Variants in CHLSN observed in about 807,000 individuals in gnomAD.
The protein encoded by CHLSN is protein cholesin.
chr7:1,106,214 C>T, the CHLSN span, among the ~76,000 whole-genome samples: 6 of 152,212 alleles, frequency 3.9e-5, no homozygotes, highest in Admixed American at 2.6e-4. Flanking sequence ...CTGCCAGCCA[C>T]GCGGACTCTC....
At chr7:986,040 C>A in the CHLSN span, among the ~76,000 whole-genome samples, 2 of 152,166 alleles carry the variant, frequency 1.3e-5, no homozygotes, top group South Asian at 2.1e-4. Context: ...GGAGGCTGCA[C>A]GGCACTGCGT....
chr7:1,084,280 G>A, the CHLSN span, among the ~76,000 whole-genome samples: 1 of 152,234 alleles, frequency 6.6e-6, no homozygotes, highest in South Asian at 2.1e-4. Flanking sequence ...GCGGAGGCGG[G>A]GGACGCCAGC....
chr7:979,383 A>T, the CHLSN span, among the ~76,000 whole-genome samples: 2 of 152,156 alleles, frequency 1.3e-5, no homozygotes, highest in African/African-American at 4.8e-5. Flanking sequence ...GATTACAGCC[A>T]CTGATCCTGT....
the CHLSN span, among the ~76,000 whole-genome samples, chr7:1,120,283 T>C: frequency 6.6e-6 from 1 of 152,142 alleles, no homozygotes. Context: ...AGGACCCTCA[T>C]GCTTCTTTTT....
At chr7:1,034,009 C>G in the CHLSN span, among the ~76,000 whole-genome samples, 1 of 152,220 alleles carries the variant, frequency 6.6e-6, no homozygotes, top group Non-Finnish European at 1.5e-5. Flanking sequence ...ATATAACTCT[C>G]TGTATTTGCA....
At chr7:988,352 C>A in the CHLSN span, 4 of 1,612,532 alleles carry the variant, frequency 2.5e-6, no homozygotes, top group Non-Finnish European at 3.4e-6. Flanking sequence ...CCAGTTCAAC[C>A]CCGGCCATTT....
At chr7:1,084,461 T>C in the CHLSN span, among the ~76,000 whole-genome samples, 1 of 152,212 alleles carries the variant, frequency 6.6e-6, no homozygotes, top group Non-Finnish European at 1.5e-5. Flanking sequence ...ATGTCTCCCC[T>C]GTAAGGTGGA....
At chr7:1,004,171 C>T in the CHLSN span, among the ~76,000 whole-genome samples, 7 of 152,200 alleles carry the variant, frequency 4.6e-5, no homozygotes, top group African/African-American at 1.2e-4. Flanking sequence ...AGCCCCTCGT[C>T]GTCTGCTCCC....
chr7:1,121,953 G>A, the CHLSN span, among the ~76,000 whole-genome samples: 4 of 152,168 alleles, frequency 2.6e-5, no homozygotes, highest in Admixed American at 2.6e-4. Context: ...ACACAGGGCA[G>A]CGTGCTGCAC....
chr7:1,072,057 A>G, the CHLSN span, among the ~76,000 whole-genome samples: 9 of 152,060 alleles, frequency 5.9e-5, no homozygotes, highest in Admixed American at 5.9e-4. Context: ...AGCGCTCAGG[A>G]TGGAAGAGCC....
the CHLSN span, among the ~76,000 whole-genome samples, chr7:985,476 A>G: frequency 6.6e-6 from 1 of 152,174 alleles, no homozygotes; most frequent in Non-Finnish European, 1.5e-5. Context: ...ATCAGGACCC[A>G]TCCGACGTTA....
At chr7:1,057,429 G>A in the CHLSN span, 6 of 640,480 alleles carry the variant, frequency 9.4e-6, no homozygotes, top group Non-Finnish European at 1.4e-5. Context: ...TGTACCTGCA[G>A]CACTTCTGGG....
the CHLSN span, among the ~76,000 whole-genome samples, chr7:1,078,618 A>G: frequency 6.6e-6 from 1 of 152,152 alleles, no homozygotes; most frequent in Non-Finnish European, 1.5e-5. Context: ...TCCCACCAAG[A>G]TGCTCACGAC....
the CHLSN span, chr7:1,000,611 T>C: frequency 9.3e-6 from 13 of 1,404,542 alleles, no homozygotes; most frequent in Non-Finnish European, 1.3e-5. Context: ...GGCAGCTGTC[T>C]GCCCTGAGAG....
At chr7:1,036,866 T>C in the CHLSN span, among the ~76,000 whole-genome samples, 32 of 147,864 alleles carry the variant, frequency 2.2e-4, 4 homozygotes, top group Non-Finnish European at 4.0e-4. Flanking sequence ...TCCCATCACT[T>C]TGGGAGGCTG....
chr7:1,019,984 C>T, the CHLSN span, among the ~76,000 whole-genome samples: 2 of 152,218 alleles, frequency 1.3e-5, no homozygotes, highest in African/African-American at 2.4e-5. Flanking sequence ...TTAGGACGCT[C>T]GGCTCTCGTC....
At chr7:1,055,624 G>A in the CHLSN span, 1 of 347,604 alleles carries the variant, frequency 2.9e-6, no homozygotes, top group South Asian at 2.1e-5. Context: ...GCCACCGGTG[G>A]ACATCTCTAA....
chr7:1,106,967 C>T, the CHLSN span, among the ~76,000 whole-genome samples: 1 of 152,180 alleles, frequency 6.6e-6, no homozygotes, highest in African/African-American at 2.4e-5. Flanking sequence ...AACAGCAGGT[C>T]CTGCTGGGAC....
the CHLSN span, chr7:1,028,184 G>A: frequency 6.0e-5 from 58 of 961,430 alleles, no homozygotes; most frequent in Non-Finnish European, 7.1e-5. Context: ...TGTCGCCGCG[G>A]GGCGGGGCTG....
Sources: gnomAD v4.1 joint callset for allele counts (sites outside exome capture counted in the v4.1 genomes callset) on GRCh38, gnomAD v4.1.1 for gene constraint, MANE v1.5 for transcripts, NCBI Gene and HGNC (gene_info 2026-07-23, HGNC 2026-07-21) for gene names.